The following DNAI2 variants were observed in gnomAD, a reference collection of about 807,000 sequenced individuals.
DNAI2 encodes the protein dynein, axonemal, intermediate polypeptide 2.
DNAI2 carries 63 observed loss-of-function variants against 74.7 expected under a neutral mutation model. The observed-to-expected ratio is 0.84, with a 90% CI of 0.69 to 1.04. The LOEUF (loss-of-function observed/expected upper bound fraction) is 1.04. Ranked by LOEUF, DNAI2 falls within the 50% of genes least tolerant of loss-of-function variation. The pLI is 0.00. For synonymous variants in DNAI2, 289 were observed against 314.9 expected (o/e 0.92, Z 0.87); for missense variants, 688 against 803.2 (o/e 0.86, Z 1.73).
intron 11 of DNAI2, among the ~76,000 whole-genome samples, chr17:74,311,160 C>T (rs1183149074): frequency 6.6e-6 from 1 of 152,180 alleles, no homozygotes; most frequent in East Asian, 1.9e-4. Flanking sequence ...AGGCATGAGC[C>T]ACCACGCCCA....
intron 2 of DNAI2, among the ~76,000 whole-genome samples, chr17:74,284,721 C>T (rs1184477121): frequency 6.6e-6 from 1 of 152,148 alleles, no homozygotes; most frequent in Non-Finnish European, 1.5e-5. Flanking sequence ...CAATTATTCA[C>T]CTTTTCTTTG....
chr17:74,304,122 G>A (rs1054753641), intron 8 of DNAI2, among the ~76,000 whole-genome samples: 36 of 150,844 alleles, frequency 2.4e-4, no homozygotes, highest in East Asian at 7.8e-4. Flanking sequence ...AACCTGTCTC[G>A]AGAAATAAAT....
At chr17:74,309,649 G>A (rs1405136972) in intron 10 of DNAI2, 14 of 694,130 alleles carry the variant, frequency 2.0e-5, no homozygotes, top group Non-Finnish European at 1.0e-5. Context: ...ACAAAAGCAG[G>A]TACCCGGCAT....
At chr17:74,281,687 AC>A in intron 1 of DNAI2, 119 bp from the exon 2 acceptor site, 1 of 942,062 alleles carries the variant, frequency 1.1e-6, no homozygotes, top group Non-Finnish European at 1.6e-6. Context: ...GGATCTCCCC[AC>A]CACCCCTTGC....
At chr17:74,276,870 C>T (rs1166044771) in intron 1 of DNAI2, among the ~76,000 whole-genome samples, 1 of 152,202 alleles carries the variant, frequency 6.6e-6, no homozygotes, top group Admixed American at 6.5e-5. Flanking sequence ...GCCCTAATTG[C>T]CTGAGTCCTG....
In DNAI2 at chr17:74,304,186, C is replaced by CTTTTTTTTTTTTTT. The variant is rs56696514; in HGVS notation, c.988-1020_988-1007dup. Among the ~76,000 whole-genome samples the CTTTTTTTTTTTTTT allele has an allele frequency of 4.1e-3, 279 of 67,640 alleles. 2 individuals are homozygous for CTTTTTTTTTTTTTT. The highest frequency in any genetic ancestry group is 5.5e-3 in the South Asian group (7 of 1,274). 44.4% of individuals were successfully genotyped at this position (67,640 alleles called of 152,430 possible). On this transcript the variant is annotated intron_variant, in intron 8 of 13. Coordinates refer to ENST00000311014, the MANE Select transcript of DNAI2 (RefSeq NM_023036.6). ...CTTTTCTTTTTTCTTTTTCTTTTTT[C>CTTTTTTTTTTTTTT]TTTTTTTTTTTTTTTTTTTTTTTTT... is the stretch of plus-strand genomic sequence containing the variant.
chr17:74,293,066 C>T (rs2143970005), intron 6 of DNAI2, among the ~76,000 whole-genome samples: 1 of 151,882 alleles, frequency 6.6e-6, no homozygotes, highest in East Asian at 2.0e-4. Flanking sequence ...ATCTCCTGAC[C>T]TCGTGATCCG....
At chr17:74,305,575 C>T (rs1476829778) in intron 9 of DNAI2, 133 bp downstream of exon 9, 4 of 745,658 alleles carry the variant, frequency 5.4e-6, no homozygotes, top group East Asian at 2.7e-5. Flanking sequence ...CACCCGAGCT[C>T]GTGTTAGCAA....
At chr17:74,312,482 C>A (rs565855039) in intron 12 of DNAI2, among the ~76,000 whole-genome samples, 2 of 152,174 alleles carry the variant, frequency 1.3e-5, no homozygotes, top group Non-Finnish European at 1.5e-5. Context: ...TCCCCTCCCC[C>A]CAGAGAGGGC....
chr17:74,298,493 G>C (rs1041332127), intron 6 of DNAI2, among the ~76,000 whole-genome samples: 3 of 151,990 alleles, frequency 2.0e-5, no homozygotes, highest in South Asian at 2.1e-4. Flanking sequence ...TTTTAGTAAA[G>C]ATGGGGTTTC....
intron 11 of DNAI2, 139 bp from the exon 12 acceptor site, chr17:74,311,864 C>T (rs2053546246): frequency 9.7e-6 from 8 of 824,814 alleles, no homozygotes; most frequent in Non-Finnish European, 1.6e-5. Context: ...GACACCAGCC[C>T]TGGGTACAGA....
intron 1 of DNAI2, among the ~76,000 whole-genome samples, chr17:74,276,154 G>A (rs576332621): frequency 2.6e-5 from 4 of 152,186 alleles, no homozygotes; most frequent in Admixed American, 6.5e-5. Context: ...TTTCCCTTAA[G>A]CCACCGGAGG....
At chr17:74,303,004 T>C (rs764602033) in intron 8 of DNAI2, among the ~76,000 whole-genome samples, 28 of 152,226 alleles carry the variant, frequency 1.8e-4, no homozygotes, top group Non-Finnish European at 3.8e-4. Flanking sequence ...CTAGGCCAAG[T>C]GCTAGACATG....
intron 9 of DNAI2, chr17:74,307,264 G>C: frequency 2.2e-6 from 1 of 456,306 alleles, no homozygotes; most frequent in South Asian, 1.5e-5. Context: ...GCACCCATAG[G>C]CCTTTCGCAG....
chr17:74,298,882 C>G (rs188205001), intron 6 of DNAI2, among the ~76,000 whole-genome samples: 56 of 152,232 alleles, frequency 3.7e-4, no homozygotes, highest in African/African-American at 1.3e-3. Context: ...CCTCGGCCTC[C>G]TAATGCGCTA....
chr17:74,302,064 AAGGAAAGAAGGAAGGAAGGAAG>A (rs2052876989), intron 8 of DNAI2, among the ~76,000 whole-genome samples: 2 of 68,700 alleles, frequency 2.9e-5, no homozygotes, highest in African/African-American at 1.3e-4. Context: ...GGAAGGAAGG[AAGGAAAGAAGGAAGGAAGGAAG>A]GAAGGAAGGA....
chr17:74,308,724 G>T (rs1024392457), intron 9 of DNAI2, among the ~76,000 whole-genome samples: 10 of 151,926 alleles, frequency 6.6e-5, no homozygotes, highest in Non-Finnish European at 1.5e-4. Flanking sequence ...GTCTTTCCAT[G>T]TTGTCCAGGC....
chr17:74,310,539 A>T (rs1311434495), intron 11 of DNAI2, among the ~76,000 whole-genome samples: 1 of 148,146 alleles, frequency 6.8e-6, no homozygotes, highest in East Asian at 2.0e-4. Flanking sequence ...AATTATTTTT[A>T]TTTATTTATT....
rs750207891 is a variant in DNAI2, at chr17:74,310,173, G to A, written c.1494+10G>A. 1.6e-5 allele frequency: 26 copies of A among 1,612,654 alleles called. No individual in the cohort carries two copies. The highest frequency in any genetic ancestry group is 1.8e-5 in the Non-Finnish European group (21 of 1,179,940). On this transcript the variant is annotated intron_variant, in intron 11 of 13. Coordinates refer to ENST00000311014, the MANE Select transcript of DNAI2 (RefSeq NM_023036.6). ...GAACGTAGCCTCTTCCGTAAGCACCGGGTGCCTGGGGAAAATCCCTCCAGC... is the reference window on the plus strand; with the variant it reads ...GAACGTAGCCTCTTCCGTAAGCACCAGGTGCCTGGGGAAAATCCCTCCAGC...
Sources: allele counts gnomAD v4.1 joint callset (sites outside exome capture counted in the v4.1 genomes callset), GRCh38; gene constraint gnomAD v4.1.1; transcripts MANE v1.5; gene names NCBI Gene and HGNC (gene_info 2026-07-23, HGNC 2026-07-21).